TAFA4: variants seen among roughly 807,000 people sequenced by gnomAD.
TAFA4 encodes TAFA chemokine like family member 4.
TAFA4 carries 20 observed loss-of-function variants against 21.1 expected under a neutral mutation model. The observed-to-expected ratio is 0.95, with a 90% CI of 0.67 to 1.38. The LOEUF is 1.38. Among genes scored for constraint, TAFA4 ranks in the 40% most tolerant of loss-of-function variants. The pLI is 0.00. For missense variants in TAFA4, 211 were observed against 180.9 expected (o/e 1.17, Z -0.95); for synonymous variants, 71 against 67.4 (o/e 1.05, Z -0.26).
At chr3:68,917,354 T>G (rs917207360) in intron 1 of TAFA4, among the ~76,000 whole-genome samples, 3 of 152,160 alleles carry the variant, frequency 2.0e-5, no homozygotes, top group Non-Finnish European at 4.4e-5. Flanking sequence ...GGTTCTACAG[T>G]TTGAGTTTTT....
intron 3 of TAFA4, among the ~76,000 whole-genome samples, chr3:68,809,658 TCC>T (rs1174090847): frequency 6.6e-6 from 1 of 151,974 alleles, no homozygotes; most frequent in Non-Finnish European, 1.5e-5. Flanking sequence ...ATAAAGCTTT[TCC>T]CCGTTTTTTC....
chr3:68,746,363 G>A (rs918597718), intron 4 of TAFA4, among the ~76,000 whole-genome samples: 8 of 151,898 alleles, frequency 5.3e-5, no homozygotes, highest in South Asian at 4.1e-4. Flanking sequence ...TATTAGTCCC[G>A]TCCCTCTAGA....
At chr3:68,809,123 TA>T (rs1447206790) in intron 3 of TAFA4, among the ~76,000 whole-genome samples, 3 of 152,190 alleles carry the variant, frequency 2.0e-5, no homozygotes, top group Non-Finnish European at 4.4e-5. Flanking sequence ...ACTTCATAGT[TA>T]ACAATTGCTT....
At chr3:68,837,072 T>C (rs925996601) in intron 3 of TAFA4, among the ~76,000 whole-genome samples, 1 of 152,254 alleles carries the variant, frequency 6.6e-6, no homozygotes, top group Non-Finnish European at 1.5e-5. Flanking sequence ...CATTCATTTA[T>C]GTATCATCTG....
At chr3:68,897,927 C>A (rs1255642413) in intron 1 of TAFA4, among the ~76,000 whole-genome samples, 4 of 152,180 alleles carry the variant, frequency 2.6e-5, no homozygotes, top group Admixed American at 2.0e-4. Context: ...CAGGAAGTCA[C>A]AGACAACAGA....
chr3:68,767,474 T>A (rs1029957368), intron 3 of TAFA4, among the ~76,000 whole-genome samples: 1 of 151,894 alleles, frequency 6.6e-6, no homozygotes, highest in African/African-American at 2.4e-5. Flanking sequence ...AGAAAAACTA[T>A]CCAAGAAAGG....
Position 68,885,206 on chromosome 3 carries a change from A to C in TAFA4, c.-18T>G. 6.2e-7 allele frequency: 1 copy of C among 1,611,888 alleles called. No homozygotes were observed. The highest frequency in any genetic ancestry group is 8.5e-7 in the Non-Finnish European group (1 of 1,178,756). On this transcript the variant is annotated 5_prime_UTR_variant, in exon 2 of 6. Coordinates refer to ENST00000295569, the MANE Select transcript of TAFA4 (RefSeq NM_182522.5). Reference sequence around the variant, plus strand: ...GACCTCATAAGATGTGGTTCTAGTCAAACACACTTATTCCAGGATATATTT... The same window carrying C: ...GACCTCATAAGATGTGGTTCTAGTCCAACACACTTATTCCAGGATATATTT...
intron 3 of TAFA4, among the ~76,000 whole-genome samples, chr3:68,852,767 T>C (rs1240249767): frequency 2.0e-5 from 3 of 152,196 alleles, no homozygotes; most frequent in Non-Finnish European, 2.9e-5. Flanking sequence ...AACATTATTA[T>C]GTCACCCTTA....
intron 1 of TAFA4, among the ~76,000 whole-genome samples, chr3:68,921,091 C>T (rs893710564): frequency 2.6e-5 from 4 of 152,124 alleles, no homozygotes; most frequent in South Asian, 2.1e-4. Context: ...GAAAACCTGC[C>T]GAGGGGACAA....
chr3:68,764,155 G>A (rs1268947923), intron 3 of TAFA4, among the ~76,000 whole-genome samples: 1 of 152,012 alleles, frequency 6.6e-6, no homozygotes, highest in African/African-American at 2.4e-5. Flanking sequence ...GGTTAAATAG[G>A]TCATAAAGGT....
chr3:68,773,121 T>C (rs1490002), intron 3 of TAFA4, among the ~76,000 whole-genome samples: 21,252 of 152,068 alleles, frequency 0.14, 2,074 homozygotes, highest in East Asian at 0.31. Flanking sequence ...TGCAACCTAA[T>C]TGAATATTGT....
At chr3:68,792,315 T>C (rs1421140764) in intron 3 of TAFA4, among the ~76,000 whole-genome samples, 1 of 152,302 alleles carries the variant, frequency 6.6e-6, no homozygotes, top group East Asian at 1.9e-4. Flanking sequence ...ATTATACATA[T>C]AGACTCACCC....
rs200439622 is a variant in TAFA4 at position 68,809,829 on chromosome 3, G to A, written c.131-56811C>T. On this transcript the variant is annotated intron_variant, in intron 3 of 5. Transcript: ENST00000295569. ...AGAGATTGCCCTTTCCCCACTGTGT[G>A]TTGGCATTGTGTTTTGGCACCTTTG... Among the ~76,000 whole-genome samples, 22 of 152,278 alleles carry A rather than the reference G, an allele frequency of 1.4e-4. No homozygotes were observed. The East Asian group carries it at 4.0e-3, about 28-fold the overall frequency.
rs543426926 is a variant in TAFA4, at chr3:68,837,055, G to T, written c.130+43675C>A. The stretch of plus-strand genomic sequence containing the variant: ...TAAATAAAGTGTGACTGGGACACAA[G>T]CACACCCATTCATTTATGTATCATC... On this transcript the variant is annotated intron_variant, in intron 3 of 5. Transcript: ENST00000295569. 2.9e-4 allele frequency among the ~76,000 whole-genome samples: 44 copies of T among 152,352 alleles called. No individual in the cohort carries two copies. The South Asian group carries it at 8.9e-3, about 31-fold the overall frequency.
intron 3 of TAFA4, among the ~76,000 whole-genome samples, chr3:68,803,797 C>CCTTT (rs1703626359): frequency 1.2e-5 from 1 of 81,594 alleles, no homozygotes; most frequent in Non-Finnish European, 2.1e-5. Flanking sequence ...ATCTCTGATT[C>CCTTT]TTTTTTTTTT....
At chr3:68,923,474 ATTGTCTC>A (rs2090078978) in intron 1 of TAFA4, among the ~76,000 whole-genome samples, 1 of 152,040 alleles carries the variant, frequency 6.6e-6, no homozygotes, top group African/African-American at 2.4e-5. Context: ...ATTTCCTCAT[ATTGTCTC>A]AACCCACCTC....
At chr3:68,847,183 G>A (rs1277799420) in intron 3 of TAFA4, among the ~76,000 whole-genome samples, 2 of 152,220 alleles carry the variant, frequency 1.3e-5, no homozygotes, top group African/African-American at 4.8e-5. Context: ...CCCCTGACTT[G>A]GTCTGCTGCC....
intron 4 of TAFA4, among the ~76,000 whole-genome samples, chr3:68,747,005 G>A (rs11708245): frequency 0.28 from 43,270 of 152,102 alleles, 7,709 homozygotes; most frequent in Non-Finnish European, 0.41. Flanking sequence ...TTGAGACAAT[G>A]TCAAATATCC....
chr3:68,823,613 T>G (rs184132941), intron 3 of TAFA4, among the ~76,000 whole-genome samples: 1 of 152,072 alleles, frequency 6.6e-6, no homozygotes, highest in East Asian at 1.9e-4. Context: ...AACCCCACCC[T>G]CCAAAAGGCC....
Sources: allele counts gnomAD v4.1 joint callset (sites outside exome capture counted in the v4.1 genomes callset), GRCh38; gene constraint gnomAD v4.1.1; transcripts MANE v1.5; gene names NCBI Gene and HGNC (gene_info 2026-07-23, HGNC 2026-07-21).